RBFOX1: variants seen among roughly 807,000 people sequenced by gnomAD.
RBFOX1 encodes RNA binding fox-1 homolog 1.
A neutral mutation model predicts 57.7 loss-of-function variants in RBFOX1; 8 were observed. That is an observed-to-expected ratio of 0.14 (90% CI 0.08 to 0.25). RBFOX1 has a LOEUF of 0.25. Among genes scored for constraint, RBFOX1 ranks in the 10% least tolerant of loss-of-function variants. The pLI is 1.00. For missense variants in RBFOX1, 611 were observed against 548.5 expected, an observed-to-expected ratio of 1.11 and a Z score of -1.14; for synonymous variants, 326 against 222.4, an observed-to-expected ratio of 1.47 and a Z score of -4.15.
At chr16:7,159,714 A>G (rs190563901) in intron 4 of RBFOX1, among the ~76,000 whole-genome samples, 1 of 152,314 alleles carries the variant, frequency 6.6e-6, no homozygotes, top group East Asian at 1.9e-4. Flanking sequence ...GTGGCTGGCT[A>G]GTCTGTTGGA....
intron 1 of RBFOX1, among the ~76,000 whole-genome samples, chr16:6,031,475 A>G (rs1336768389): frequency 6.6e-6 from 1 of 152,220 alleles, no homozygotes; most frequent in Non-Finnish European, 1.5e-5. Context: ...TAGGTGCGAG[A>G]ATAAGGTACA....
chr16:6,336,277 C>T (rs1187329090), intron 2 of RBFOX1, among the ~76,000 whole-genome samples: 6 of 138,470 alleles, frequency 4.3e-5, no homozygotes, highest in Non-Finnish European at 9.1e-5. Context: ...CGGCTCACTG[C>T]AAGCTCCGCC....
At chr16:6,981,051 A>AAAAAAAAAC (rs1227585728) in intron 3 of RBFOX1, among the ~76,000 whole-genome samples, 1 of 151,050 alleles carries the variant, frequency 6.6e-6, no homozygotes, top group African/African-American at 2.4e-5. Flanking sequence ...TCAAAAAAAA[A>AAAAAAAAAC]AAAAAAAACA....
chr16:7,231,625 G>T (rs556590478), intron 4 of RBFOX1, among the ~76,000 whole-genome samples: 3 of 152,184 alleles, frequency 2.0e-5, no homozygotes, highest in South Asian at 4.2e-4. Flanking sequence ...CAGCCAAAAA[G>T]CAAAGACAAC....
chr16:6,243,788 G>C (rs1265790415), intron 1 of RBFOX1, among the ~76,000 whole-genome samples: 1 of 152,266 alleles, frequency 6.6e-6, no homozygotes, highest in East Asian at 1.9e-4. Flanking sequence ...AGTTGTGATG[G>C]TGGGAACTTA....
chr16:5,831,157 G>T (rs1379119974), intron 3 of RBFOX1, among the ~76,000 whole-genome samples: 1 of 152,128 alleles, frequency 6.6e-6, no homozygotes, highest in Non-Finnish European at 1.5e-5. Flanking sequence ...ATATTAAAAT[G>T]TAATTCCCAC....
intron 4 of RBFOX1, among the ~76,000 whole-genome samples, chr16:7,361,641 G>T (rs993944943): frequency 1.3e-5 from 2 of 152,208 alleles, no homozygotes; most frequent in African/African-American, 4.8e-5. Flanking sequence ...AAACAGGTGG[G>T]AGACAGCAGG....
At chr16:6,640,687 T>C (rs1000089819) in intron 2 of RBFOX1, among the ~76,000 whole-genome samples, 2 of 152,096 alleles carry the variant, frequency 1.3e-5, no homozygotes, top group African/African-American at 4.8e-5. Context: ...GTATATCACA[T>C]ATAGGAAACA....
intron 3 of RBFOX1, among the ~76,000 whole-genome samples, chr16:7,026,964 C>T (rs984869159): frequency 6.6e-6 from 1 of 152,108 alleles, no homozygotes; most frequent in African/African-American, 2.4e-5. Context: ...GGGTGCTTTG[C>T]CCTCTCTGAA....
chr16:7,191,196 T>C (rs11860559), intron 4 of RBFOX1, among the ~76,000 whole-genome samples: 2,219 of 152,300 alleles, frequency 0.015, 61 homozygotes, highest in African/African-American at 0.05. Context: ...CCCTCTCATT[T>C]TTTAATATGG....
intron 4 of RBFOX1, among the ~76,000 whole-genome samples, chr16:7,275,614 T>G (rs546641889): frequency 5.9e-5 from 9 of 151,412 alleles, no homozygotes; most frequent in African/African-American, 2.2e-4. Flanking sequence ...AGATGGTAGG[T>G]TGGATTGAAA....
intron 1 of RBFOX1, among the ~76,000 whole-genome samples, chr16:5,391,470 G>A (rs1052582947): frequency 6.6e-6 from 1 of 152,020 alleles, no homozygotes; most frequent in African/African-American, 2.4e-5. Flanking sequence ...AAGGTCCCTT[G>A]GGACTCCACT....
chr16:6,134,451 G>T (rs1002300711), intron 1 of RBFOX1, among the ~76,000 whole-genome samples: 4 of 152,102 alleles, frequency 2.6e-5, no homozygotes, highest in African/African-American at 4.8e-5. Flanking sequence ...TCTTGTTAGG[G>T]GTATTGTACT....
intron 1 of RBFOX1, among the ~76,000 whole-genome samples, chr16:6,120,564 C>G (rs12932012): frequency 3.3e-5 from 5 of 152,088 alleles, no homozygotes; most frequent in Non-Finnish European, 4.4e-5. Flanking sequence ...TATAGGTACA[C>G]TGGTAATACC....
intron 4 of RBFOX1, among the ~76,000 whole-genome samples, chr16:7,452,018 C>T (rs959161971): frequency 5.3e-5 from 8 of 152,194 alleles, no homozygotes; most frequent in African/African-American, 1.9e-4. Flanking sequence ...GAGAAAGATT[C>T]TTATTCCATG....
chr16:6,416,767 C>A (rs1009736782), intron 2 of RBFOX1, among the ~76,000 whole-genome samples: 3 of 152,148 alleles, frequency 2.0e-5, no homozygotes, highest in African/African-American at 4.8e-5. Flanking sequence ...TAATAACATA[C>A]CTTACAGGAT....
At chr16:6,846,845 G>C (rs1379572057) in intron 3 of RBFOX1, among the ~76,000 whole-genome samples, 2 of 151,856 alleles carry the variant, frequency 1.3e-5, no homozygotes, top group African/African-American at 4.8e-5. Flanking sequence ...ATCTTGGATG[G>C]CATGCTCATA....
At chr16:5,979,754 C>T (rs2060135158) in intron 4 of RBFOX1, among the ~76,000 whole-genome samples, 1 of 152,116 alleles carries the variant, frequency 6.6e-6, no homozygotes, top group Non-Finnish European at 1.5e-5. Context: ...CCCAGCTGCT[C>T]CGGAGGCTGA....
intron 3 of RBFOX1, among the ~76,000 whole-genome samples, chr16:6,926,538 C>A (rs536268759): frequency 6.6e-6 from 1 of 152,158 alleles, no homozygotes; most frequent in Non-Finnish European, 1.5e-5. Flanking sequence ...GAGAGGCTTT[C>A]TGGAAAATTG....
Sources: gnomAD v4.1 joint callset for allele counts (sites outside exome capture counted in the v4.1 genomes callset) on GRCh38, gnomAD v4.1.1 for gene constraint, MANE v1.5 for transcripts, NCBI Gene and HGNC (gene_info 2026-07-23, HGNC 2026-07-21) for gene names.